Variants in GRID2 observed in about 807,000 individuals in gnomAD.
GRID2 encodes glutamate ionotropic receptor delta type subunit 2.
In GRID2, 33 loss-of-function variants were observed where a neutral mutation model predicts 114.8. That is an observed-to-expected ratio of 0.29 (90% CI 0.22 to 0.38). The LOEUF is 0.38. Among genes scored for constraint, GRID2 ranks in the 10% least tolerant of loss-of-function variants. The probability of loss-of-function intolerance (pLI) is 1.00; values close to 1 mark genes in which losing one functional copy is unlikely to be tolerated. For synonymous variants in GRID2, 505 were observed against 449.9 expected (o/e 1.12, Z -1.55); for missense variants, 1,184 against 1,257.7 (o/e 0.94, Z 0.89).
At chr4:93,285,950 T>G (rs1451793699) in intron 8 of GRID2, among the ~76,000 whole-genome samples, 2 of 152,026 alleles carry the variant, frequency 1.3e-5, no homozygotes, top group Non-Finnish European at 2.9e-5. Flanking sequence ...CTTAAATTAT[T>G]TTGTGTTAAG....
chr4:93,213,442 A>G (rs146243968), intron 5 of GRID2, among the ~76,000 whole-genome samples: 1 of 152,288 alleles, frequency 6.6e-6, no homozygotes, highest in Non-Finnish European at 1.5e-5. Flanking sequence ...GGTGTCTAGA[A>G]TTAAAATTTC....
intron 8 of GRID2, among the ~76,000 whole-genome samples, chr4:93,348,373 C>A (rs566630705): frequency 2.2e-4 from 33 of 152,212 alleles, no homozygotes; most frequent in African/African-American, 7.9e-4. Context: ...AGTGAAACAT[C>A]AGTTTATAAA....
In GRID2 at chr4:92,664,756, G is replaced by C. The variant is rs538793342; in HGVS notation, c.244+74470G>C. On this transcript the variant is annotated intron_variant, in intron 2 of 15. Transcript: ENST00000282020. ...TGTTTACATATCTTCATGCAGTGTT[G>C]ATTCTGTTATTAATACATAATGTCC... is the stretch of plus-strand genomic sequence containing the variant. Among the ~76,000 whole-genome samples, 3 of 151,126 alleles carry C rather than the reference G, an allele frequency of 2.0e-5. No homozygotes were observed. The South Asian group carries it at 6.2e-4, about 31-fold the overall frequency.
intron 10 of GRID2, among the ~76,000 whole-genome samples, chr4:93,441,396 T>C (rs1020215495): frequency 2.0e-5 from 3 of 152,024 alleles, no homozygotes; most frequent in Non-Finnish European, 4.4e-5. Context: ...ATTATAAACA[T>C]AGAGAAATAT....
At chr4:92,922,157 T>G (rs577642075) in intron 2 of GRID2, among the ~76,000 whole-genome samples, 1 of 152,280 alleles carries the variant, frequency 6.6e-6, no homozygotes, top group South Asian at 2.1e-4. Flanking sequence ...AGGTGCGGGA[T>G]ATAATCTCGT....
intron 13 of GRID2, among the ~76,000 whole-genome samples, chr4:93,538,641 G>A (rs555501902): frequency 6.6e-6 from 1 of 151,748 alleles, no homozygotes; most frequent in East Asian, 1.9e-4. Context: ...AGATGGGAGA[G>A]GCATTCCACT....
At chr4:92,637,147 A>G (rs1433459181) in intron 2 of GRID2, among the ~76,000 whole-genome samples, 2 of 151,790 alleles carry the variant, frequency 1.3e-5, no homozygotes, top group Non-Finnish European at 2.9e-5. Context: ...ATGTTTTTGA[A>G]TAATTGCCTT....
At chr4:93,689,275 A>G (rs1726338569) in intron 14 of GRID2, among the ~76,000 whole-genome samples, 1 of 152,016 alleles carries the variant, frequency 6.6e-6, no homozygotes, top group South Asian at 2.1e-4. Flanking sequence ...GTCCTAACAA[A>G]CTAATACAAC....
At chr4:93,806,516 T>A (rs1316213964) in intron 1 of GRID2, among the ~76,000 whole-genome samples, 1 of 152,256 alleles carries the variant, frequency 6.6e-6, no homozygotes, top group African/African-American at 2.4e-5. Context: ...CTCTGGTTTT[T>A]GACAGTTGCC....
At position 93,656,119 on chromosome 4, in the gene GRID2, T is replaced by C. The variant is rs575355836; in HGVS notation, c.2360+29684T>C. 4.6e-5 allele frequency among the ~76,000 whole-genome samples: 7 copies of C among 151,900 alleles called. No homozygotes were observed. The East Asian group carries it at 1.4e-3, about 29-fold the overall frequency. ...AAACATTAACAATTTTATTAAAATA[T>C]CCATTTTATTTGATAATAATAAAAA... On this transcript the variant is annotated intron_variant, in intron 14 of 15. Transcript: ENST00000282020.
At chr4:93,207,654 A>G (rs1331289329) in intron 5 of GRID2, among the ~76,000 whole-genome samples, 197 bp downstream of exon 5, 1 of 152,034 alleles carries the variant, frequency 6.6e-6, no homozygotes, top group East Asian at 1.9e-4. Flanking sequence ...AATAAAATAA[A>G]TGGAGAAAGT....
chr4:93,557,092 C>T (rs1734396598), intron 13 of GRID2, among the ~76,000 whole-genome samples: 1 of 152,084 alleles, frequency 6.6e-6, no homozygotes, highest in Non-Finnish European at 1.5e-5. Flanking sequence ...CTGAAGGAAG[C>T]ACTACATATG....
chr4:92,684,967 T>C (rs1384789698), intron 2 of GRID2, among the ~76,000 whole-genome samples: 1 of 152,074 alleles, frequency 6.6e-6, no homozygotes, highest in Non-Finnish European at 1.5e-5. Flanking sequence ...AGCTTTCTAA[T>C]TACTACTAAT....
intron 2 of GRID2, among the ~76,000 whole-genome samples, chr4:92,603,620 A>G (rs964378247): frequency 1.3e-5 from 2 of 152,156 alleles, no homozygotes; most frequent in Admixed American, 6.6e-5. Context: ...CATTCAGGAT[A>G]GAGGGAGGGA....
intron 2 of GRID2, among the ~76,000 whole-genome samples, chr4:92,789,943 C>T (rs558577006): frequency 1.3e-5 from 2 of 151,940 alleles, no homozygotes; most frequent in African/African-American, 4.8e-5. Flanking sequence ...GGGAAAGCTG[C>T]CAGTCTGAGA....
intron 13 of GRID2, among the ~76,000 whole-genome samples, chr4:93,528,403 AC>A (rs1731131490): frequency 6.6e-6 from 1 of 151,016 alleles, no homozygotes; most frequent in Admixed American, 6.6e-5. Context: ...CAAATAATGC[AC>A]AAGAGTTCCA....
intron 2 of GRID2, among the ~76,000 whole-genome samples, chr4:93,040,819 TA>T (rs1199964122): frequency 6.6e-6 from 1 of 152,174 alleles, no homozygotes; most frequent in Non-Finnish European, 1.5e-5. Context: ...GTATCTGTTA[TA>T]AAATTTTAAG....
At chr4:93,135,447 G>T (rs531357582) in intron 4 of GRID2, among the ~76,000 whole-genome samples, 1 of 152,308 alleles carries the variant, frequency 6.6e-6, no homozygotes, top group Admixed American at 6.5e-5. Flanking sequence ...TGTGCCATTT[G>T]ATAGTTATAC....
Position 93,337,657 on chromosome 4 carries a change from C to A in GRID2, c.1246-57950C>A, listed in dbSNP as rs554543062. Among the ~76,000 whole-genome samples, 86 of 151,676 alleles carry A rather than the reference C, an allele frequency of 5.7e-4. 1 individual carries two copies. The Middle Eastern group carries it at 0.01, about 18-fold the overall frequency. On this transcript the variant is annotated intron_variant, in intron 8 of 15. Transcript: ENST00000282020. ...ATATAAGCATCCTTGAAAAGCTGGT[C>A]ATAAACAAAAAAGTAGTTATGGCCT...
Sources: gnomAD v4.1 joint callset for allele counts (sites outside exome capture counted in the v4.1 genomes callset) on GRCh38, gnomAD v4.1.1 for gene constraint, MANE v1.5 for transcripts, NCBI Gene and HGNC (gene_info 2026-07-23, HGNC 2026-07-21) for gene names.